The following DIAPH2 variants were observed in gnomAD, a reference collection of about 807,000 sequenced individuals.
DIAPH2 encodes diaphanous related formin 2, also known as protein diaphanous homolog 2.
A neutral mutation model predicts 92.7 loss-of-function variants in DIAPH2; 35 were observed. That is an observed-to-expected ratio of 0.38 (90% CI 0.29 to 0.50). DIAPH2 has a LOEUF of 0.50. DIAPH2 is among the 20% of genes least tolerant of loss of function. The pLI is 0.94. For synonymous variants in DIAPH2, 301 were observed against 280.4 expected, an observed-to-expected ratio of 1.07 and a Z score of -0.73; for missense variants, 701 against 819.5, an observed-to-expected ratio of 0.86 and a Z score of 1.77.
intron 26 of DIAPH2, among the ~76,000 whole-genome samples, chrX:97,554,266 G>C (rs1292433294): frequency 9.0e-6 from 1 of 111,464 alleles, no homozygotes; most frequent in Non-Finnish European, 1.9e-5. Context: ...AACCTATGGG[G>C]GAATTTTTGC....
At chrX:97,273,070 G>C (rs926271962) in intron 23 of DIAPH2, among the ~76,000 whole-genome samples, 1 of 111,846 alleles carries the variant, frequency 8.9e-6, no homozygotes, top group Admixed American at 9.5e-5. Context: ...AAGGAGAATC[G>C]CTCAAACCCG....
intron 26 of DIAPH2, among the ~76,000 whole-genome samples, chrX:97,506,390 A>T (rs1438096845): frequency 8.8e-5 from 9 of 102,854 alleles, no homozygotes; most frequent in Non-Finnish European, 3.9e-5. Context: ...ACCTCAGGTG[A>T]TCCGCCCACC....
intron 1 of DIAPH2, among the ~76,000 whole-genome samples, chrX:96,691,056 G>A (rs1237375753): frequency 1.8e-5 from 2 of 111,928 alleles, no homozygotes; most frequent in Non-Finnish European, 3.8e-5. Flanking sequence ...TCTGGCAGTA[G>A]CAACATGTTA....
intron 26 of DIAPH2, among the ~76,000 whole-genome samples, chrX:97,510,312 G>C (rs1428137282): frequency 9.0e-6 from 1 of 111,697 alleles, no homozygotes; most frequent in Non-Finnish European, 1.9e-5. Flanking sequence ...GTCTTCTTTT[G>C]AGAAGTGTCT....
intron 23 of DIAPH2, among the ~76,000 whole-genome samples, chrX:97,294,759 A>T (rs1421500307): frequency 8.9e-6 from 1 of 112,101 alleles, no homozygotes; most frequent in Non-Finnish European, 1.9e-5. Context: ...AGTAATTTTT[A>T]TAATTTAGCA....
intron 17 of DIAPH2, among the ~76,000 whole-genome samples, chrX:96,966,331 T>C (rs777618758): frequency 8.9e-6 from 1 of 112,091 alleles, no homozygotes. Context: ...TTTATTATAA[T>C]CACTGTTTAA....
chrX:96,918,943 G>A (rs1921605813), intron 9 of DIAPH2, among the ~76,000 whole-genome samples: 1 of 112,008 alleles, frequency 8.9e-6, no homozygotes, highest in South Asian at 3.7e-4. Context: ...ACAAGTGTTA[G>A]TGAAGTCGGT....
At chrX:97,089,460 T>G (rs2066807027) in intron 19 of DIAPH2, among the ~76,000 whole-genome samples, 1 of 111,874 alleles carries the variant, frequency 8.9e-6, no homozygotes, top group Non-Finnish European at 1.9e-5. Context: ...AGAGTGGGAC[T>G]ACATCTGAAT....
chrX:97,534,130 A>G (rs5921847), intron 26 of DIAPH2, among the ~76,000 whole-genome samples: 3,052 of 111,303 alleles, frequency 0.027, 34 homozygotes, highest in Non-Finnish European at 0.039. Context: ...ATTGACTTAA[A>G]TGGAAGAATT....
chrX:96,808,832 A>G (rs1259857350), intron 4 of DIAPH2, among the ~76,000 whole-genome samples: 1 of 111,283 alleles, frequency 9.0e-6, no homozygotes, highest in Non-Finnish European at 1.9e-5. Flanking sequence ...TTTCTCTTAA[A>G]TTTTCTTCTA....
intron 22 of DIAPH2, among the ~76,000 whole-genome samples, chrX:97,243,022 G>T (rs1044718594): frequency 1.9e-5 from 2 of 107,123 alleles, no homozygotes; most frequent in African/African-American, 6.8e-5. Context: ...TCCTGACCTC[G>T]TGATCTGCCC....
In DIAPH2 at chrX:97,331,416, T is replaced by C. The variant is rs753458806; in HGVS notation, c.2845-16700T>C. Among the ~76,000 whole-genome samples the C allele has an allele frequency of 5.2e-4, 58 of 112,043 alleles. No homozygotes were observed. In the Middle Eastern group the frequency reaches 0.023, roughly 45 times the overall value. ...GTAAAATTAGTAAATTCTTAATGTA[T>C]GTATAAGTATATACACATACATACC... is the stretch of plus-strand genomic sequence containing the variant. On this transcript the variant is annotated intron_variant, in intron 23 of 26. Transcript: ENST00000324765.
chrX:97,356,314 T>C lies in DIAPH2; in HGVS notation c.3009+8034T>C, dbSNP rs753960813. Among the ~76,000 whole-genome samples, 75 of 111,670 alleles carry C rather than the reference T, an allele frequency of 6.7e-4. 1 individual carries two copies. Among genetic ancestry groups the C allele is most frequent in the African/African-American group, 2.3e-3 (71 of 30,788 alleles). On this transcript the variant is annotated intron_variant, in intron 24 of 26. Transcript: ENST00000324765. ...TCTTCCTTTTCCTAGGAGCTGGGAA[T>C]AAATAAAATGCCAGCATAAATCGTT...
At chrX:97,015,631 C>A (rs1226687997) in intron 17 of DIAPH2, among the ~76,000 whole-genome samples, 3 of 110,688 alleles carry the variant, frequency 2.7e-5, no homozygotes, top group Non-Finnish European at 5.7e-5. Context: ...GTTAACATGG[C>A]ATTTTCTAAA....
chrX:96,717,666 G>A (rs1249379102), intron 1 of DIAPH2, among the ~76,000 whole-genome samples: 1 of 103,377 alleles, frequency 9.7e-6, no homozygotes, highest in Non-Finnish European at 2.0e-5. Context: ...CACCCGCTCT[G>A]GCTGCTTTTA....
rs147397784 is a variant in DIAPH2 at position 96,749,407 on chromosome X, C to T, written c.343-8747C>T. Among the ~76,000 whole-genome samples, 635 of 110,215 alleles carry T rather than the reference C, an allele frequency of 5.8e-3. 5 individuals are homozygous for T. Among genetic ancestry groups the T allele is most frequent in the African/African-American group, 0.02 (608 of 30,404 alleles). The stretch of plus-strand genomic sequence containing the variant: ...TTTTTATGTCTTGCTTAAAAATAGG[C>T]GGTAATTAGAAAGTTTAGCTCCAAG... On this transcript the variant is annotated intron_variant, in intron 3 of 26. Transcript: ENST00000324765.
intron 26 of DIAPH2, among the ~76,000 whole-genome samples, chrX:97,536,876 A>G (rs1037188845): frequency 2.1e-4 from 23 of 112,103 alleles, no homozygotes; most frequent in African/African-American, 6.8e-4. Context: ...GCTGAATTAT[A>G]AGCACGGTAT....
intron 4 of DIAPH2, among the ~76,000 whole-genome samples, chrX:96,842,573 A>G (rs2064943854): frequency 8.9e-6 from 1 of 112,415 alleles, no homozygotes; most frequent in Admixed American, 9.4e-5. Flanking sequence ...CCATGTATAA[A>G]ATACCTACTA....
chrX:96,885,806 TTGTA>T (rs2065258236), intron 5 of DIAPH2, among the ~76,000 whole-genome samples: 1 of 111,856 alleles, frequency 8.9e-6, no homozygotes, highest in Non-Finnish European at 1.9e-5. Flanking sequence ...TTTATTGTAG[TTGTA>T]TGGTAAATGG....
Sources: gnomAD v4.1 joint callset for allele counts (sites outside exome capture counted in the v4.1 genomes callset) on GRCh38, gnomAD v4.1.1 for gene constraint, MANE v1.5 for transcripts, NCBI Gene and HGNC (gene_info 2026-07-23, HGNC 2026-07-21) for gene names.